The following ADAM22 variants were observed in gnomAD, a reference collection of about 807,000 sequenced individuals.
ADAM22 encodes disintegrin and metalloproteinase domain-containing protein 22.
ADAM22 carries 65 observed loss-of-function variants against 144.6 expected under a neutral mutation model. That is an observed-to-expected ratio of 0.45 (90% CI 0.37 to 0.55). The LOEUF is 0.55. ADAM22 is among the 20% of genes least tolerant of loss of function. The probability of loss-of-function intolerance (pLI) is 0.00; values close to 1 mark genes in which losing one functional copy is unlikely to be tolerated. For synonymous variants in ADAM22, 391 were observed against 412.6 expected (o/e 0.95, Z 0.63); for missense variants, 974 against 1,184.9 (o/e 0.82, Z 2.61).
intron 3 of ADAM22, among the ~76,000 whole-genome samples, chr7:88,005,449 C>G (rs139433759): frequency 0.011 from 1,607 of 152,220 alleles, 24 homozygotes; most frequent in African/African-American, 0.036. Context: ...GATCTACTAC[C>G]TTCAAACAAT....
intron 3 of ADAM22, among the ~76,000 whole-genome samples, chr7:88,040,438 T>G (rs1488213521): frequency 1.3e-5 from 2 of 152,008 alleles, no homozygotes; most frequent in East Asian, 3.9e-4. Flanking sequence ...AGCCAACACA[T>G]CCATTGTTAA....
chr7:88,181,231 G>C (rs1180574567), intron 27 of ADAM22, among the ~76,000 whole-genome samples: 1 of 152,044 alleles, frequency 6.6e-6, no homozygotes, highest in Non-Finnish European at 1.5e-5. Context: ...GTGTTCTGGG[G>C]AATGTAAATT....
chr7:87,959,624 C>T (rs972193193), intron 2 of ADAM22, among the ~76,000 whole-genome samples: 1 of 152,032 alleles, frequency 6.6e-6, no homozygotes, highest in African/African-American at 2.4e-5. Flanking sequence ...TTTTAATTTC[C>T]TTTTTAAAAA....
chr7:88,177,206 T>G (rs1166388848), intron 26 of ADAM22, among the ~76,000 whole-genome samples: 1 of 152,168 alleles, frequency 6.6e-6, no homozygotes, highest in African/African-American at 2.4e-5. Context: ...TTTACAAATA[T>G]TAATGTAATA....
At chr7:88,124,311 A>G (rs1169845417) in intron 7 of ADAM22, among the ~76,000 whole-genome samples, 3 of 151,898 alleles carry the variant, frequency 2.0e-5, no homozygotes, top group Admixed American at 1.3e-4. Context: ...GTGAATAAAC[A>G]TTTAGGAGCA....
At chr7:88,007,062 TAC>T (rs1794071449) in intron 3 of ADAM22, among the ~76,000 whole-genome samples, 1 of 152,204 alleles carries the variant, frequency 6.6e-6, no homozygotes, top group Non-Finnish European at 1.5e-5. Context: ...AGTCTCAGTA[TAC>T]AAAATCAATG....
chr7:87,953,645 C>A (rs147530713), intron 2 of ADAM22, among the ~76,000 whole-genome samples: 15,681 of 151,920 alleles, frequency 0.1, 1,115 homozygotes, highest in Non-Finnish European at 0.16. Context: ...AGTTCTGTAG[C>A]TGTCTATTAG....
At chr7:88,190,837 CA>C (rs975836281) in intron 30 of ADAM22, among the ~76,000 whole-genome samples, 10 of 152,112 alleles carry the variant, frequency 6.6e-5, no homozygotes, top group African/African-American at 2.4e-4. Context: ...CCAAAATAAT[CA>C]CTTTTATGCT....
chr7:88,013,175 T>A (rs1795826586), intron 3 of ADAM22, among the ~76,000 whole-genome samples: 1 of 152,200 alleles, frequency 6.6e-6, no homozygotes, highest in Non-Finnish European at 1.5e-5. Flanking sequence ...TAGCATCCAG[T>A]AGCTTCTGCT....
chr7:88,092,781 A>G (rs1273662375), intron 4 of ADAM22, among the ~76,000 whole-genome samples: 19 of 152,232 alleles, frequency 1.2e-4, no homozygotes, highest in Admixed American at 1.1e-3. Context: ...TTAACTCTGT[A>G]TCCTGAGGAA....
chr7:87,968,879 C>G (rs1254772722), intron 2 of ADAM22, among the ~76,000 whole-genome samples: 1 of 152,082 alleles, frequency 6.6e-6, no homozygotes, highest in Admixed American at 6.6e-5. Flanking sequence ...CCTCAGGAAA[C>G]TTAAAATCAT....
At chr7:88,011,291 C>T (rs1228981275) in intron 3 of ADAM22, among the ~76,000 whole-genome samples, 3 of 152,136 alleles carry the variant, frequency 2.0e-5, no homozygotes, top group African/African-American at 7.2e-5. Flanking sequence ...CCTGTAATCC[C>T]AGCACTTTGG....
intron 4 of ADAM22, among the ~76,000 whole-genome samples, chr7:88,082,303 G>C (rs1278385916): frequency 3.9e-5 from 6 of 152,132 alleles, no homozygotes; most frequent in Non-Finnish European, 8.8e-5. Flanking sequence ...GCTGAAACTG[G>C]ATCCCTTCCT....
At chr7:88,166,411 G>C (rs1343103695) in intron 24 of ADAM22, among the ~76,000 whole-genome samples, 1 of 152,038 alleles carries the variant, frequency 6.6e-6, no homozygotes, top group East Asian at 1.9e-4. Flanking sequence ...AGTAATCCTG[G>C]CCAAGGTTCC....
chr7:88,176,814 G>C (rs1845786521), intron 26 of ADAM22, among the ~76,000 whole-genome samples: 1 of 152,086 alleles, frequency 6.6e-6, no homozygotes, highest in Non-Finnish European at 1.5e-5. Context: ...GCCCAGGCTG[G>C]AGTGCAATGG....
chr7:88,179,083 A>G lies in ADAM22; in HGVS notation c.2449A>G (p.Ile817Val). The G allele has an allele frequency of 1.4e-6, 2 of 1,441,648 alleles. No homozygotes were observed. Among genetic ancestry groups the G allele is most frequent in the East Asian group, 2.3e-5 (1 of 43,940 alleles). 89.3% of individuals were successfully genotyped at this position (1,441,648 alleles called of 1,614,324 possible). A position where few individuals can be genotyped will look rare whatever the true frequency, so the allele number is the denominator to read the frequency against. Residue 817 changes from isoleucine (I) to valine (V), a missense_variant, in exon 27 of 32, where the codon ATC becomes GTC. This residue lies in a region of ADAM22 where 734 missense variants were observed against 950.6 expected (regional missense o/e 0.77). Coordinates refer to ENST00000413139, the MANE Select transcript of ADAM22 (RefSeq NM_001324418.2). Reference protein sequence around the residue: ...LSHFQISTCSITHYSISQNIS... With the variant: ...LSHFQISTCSVTHYSISQNIS... Reference sequence around the variant, plus strand: ...GCATTTTCAGATTTCTACCTGTTCCATCACACATTATTCCATTAGTCAGAA... The same window carrying G: ...GCATTTTCAGATTTCTACCTGTTCCGTCACACATTATTCCATTAGTCAGAA...
At chr7:87,992,291 C>T (rs1393260501) in intron 3 of ADAM22, among the ~76,000 whole-genome samples, 1 of 152,034 alleles carries the variant, frequency 6.6e-6, no homozygotes, top group Non-Finnish European at 1.5e-5. Context: ...ATATGAAGTT[C>T]AGGGGGCTGG....
intron 4 of ADAM22, among the ~76,000 whole-genome samples, chr7:88,099,074 G>A (rs147896629): frequency 2.5e-3 from 378 of 152,276 alleles, no homozygotes; most frequent in African/African-American, 8.7e-3. Context: ...GGCAGTATGT[G>A]CCTTATTTAG....
intron 22 of ADAM22, among the ~76,000 whole-genome samples, chr7:88,160,129 A>G (rs928614399): frequency 1.3e-5 from 2 of 152,180 alleles, no homozygotes; most frequent in African/African-American, 2.4e-5. Flanking sequence ...CTGAGGGTCA[A>G]ATCAGGAATG....
Sources: gnomAD v4.1 joint callset for allele counts (sites outside exome capture counted in the v4.1 genomes callset) on GRCh38, gnomAD v4.1.1 for gene constraint, gnomAD v4.1.1 regional missense constraint, MANE v1.5 for transcripts, NCBI Gene and HGNC (gene_info 2026-07-23, HGNC 2026-07-21) for gene names.